PGM1: variants seen among roughly 807,000 people sequenced by gnomAD.
PGM1 encodes the protein phosphoglucomutase-1.
Under a neutral mutation model 55.6 loss-of-function variants are expected in PGM1, and 52 were observed. That is an observed-to-expected ratio of 0.94 (90% confidence interval 0.75 to 1.18). The LOEUF (loss-of-function observed/expected upper bound fraction) is 1.18, where lower values mean the gene tolerates loss of function less well. Ranked by LOEUF, PGM1 falls within the 50% of genes most tolerant of loss-of-function variation. PGM1 has a pLI of 0.00. For synonymous variants in PGM1, 287 were observed against 271.7 expected (o/e 1.06, Z -0.55); for missense variants, 724 against 729.3 (o/e 0.99, Z 0.08).
chr1:63,624,428 G>A (rs553650194), intron 1 of PGM1, among the ~76,000 whole-genome samples: 32 of 152,256 alleles, frequency 2.1e-4, no homozygotes, highest in Middle Eastern at 6.8e-3. Flanking sequence ...CCTCTGCATC[G>A]TGAAAAACCG....
At chr1:63,604,889 A>G (rs1648368209) in intron 1 of PGM1, among the ~76,000 whole-genome samples, 2 of 149,844 alleles carry the variant, frequency 1.3e-5, no homozygotes, top group African/African-American at 2.5e-5. Flanking sequence ...ATGTATAACT[A>G]TATATATAGG....
chr1:63,623,615 G>A lies in PGM1; in HGVS notation c.247-5810G>A, dbSNP rs140738630. Reference sequence around the variant, plus strand: ...ACCTATTATTTTGAGGAAAAGCCATGCTATCTGGAGAATTTCATCCAGAGT... The same window carrying A: ...ACCTATTATTTTGAGGAAAAGCCATACTATCTGGAGAATTTCATCCAGAGT... On this transcript the variant is annotated intron_variant, in intron 1 of 10. Transcript: ENST00000371084. 1.3e-4 allele frequency: 216 copies of A among 1,612,774 alleles called. No individual in the cohort carries two copies. The African/African-American group carries it at 2.5e-3, about 19-fold the overall frequency.
intron 1 of PGM1, among the ~76,000 whole-genome samples, chr1:63,620,623 A>T (rs1281641457): frequency 6.6e-6 from 1 of 152,180 alleles, no homozygotes; most frequent in Non-Finnish European, 1.5e-5. Flanking sequence ...AGAGTGAATA[A>T]AGGATTGGTA....
chr1:63,616,058 A>C (rs61104081), intron 1 of PGM1, among the ~76,000 whole-genome samples: 7,458 of 151,974 alleles, frequency 0.049, 608 homozygotes, highest in African/African-American at 0.17. Flanking sequence ...AAATAAAGCG[A>C]TTCCTTAACT....
rs183261055 is a variant in PGM1 at position 63,623,123 on chromosome 1, A to G, written c.247-6302A>G. Reference sequence around the variant, plus strand: ...ACAGCTGAAGTTGGCTGCATGCAGCACTCCTTGGAGCTATCTCTACCCTAA... The same window carrying G: ...ACAGCTGAAGTTGGCTGCATGCAGCGCTCCTTGGAGCTATCTCTACCCTAA... On this transcript the variant is annotated intron_variant, in intron 1 of 10. Coordinates refer to ENST00000371084, the MANE Select transcript of PGM1 (RefSeq NM_002633.3). The G allele has an allele frequency of 9.0e-5, 69 of 769,400 alleles. No homozygotes were observed. The East Asian group carries it at 5.2e-3, about 58-fold the overall frequency. 47.7% of individuals were successfully genotyped at this position (769,400 alleles called of 1,614,324 possible).
chr1:63,613,259 C>CTTTTTTTTT lies in PGM1; in HGVS notation c.247-16152_247-16144dup, dbSNP rs11377805. Among the ~76,000 whole-genome samples, 14 of 107,866 alleles carry CTTTTTTTTT rather than the reference C, an allele frequency of 1.3e-4. 1 individual carries two copies. Among genetic ancestry groups the CTTTTTTTTT allele is most frequent in the African/African-American group, 5.6e-4 (14 of 24,964 alleles). The allele number at this position is 107,866 out of a possible 152,430, so 70.8% of individuals were successfully genotyped here. A position where few individuals can be genotyped will look rare whatever the true frequency, so the allele number is the denominator to read the frequency against. On this transcript the variant is annotated intron_variant, in intron 1 of 10. Coordinates refer to ENST00000371084, the MANE Select transcript of PGM1 (RefSeq NM_002633.3). ...TCTGCTGCAAAAGGAGTTGGCTTAT[C>CTTTTTTTTT]TTTTTTTTTTTTTTTTTTTTTTAAG...
chr1:63,615,110 T>C (rs1336895740), intron 1 of PGM1, among the ~76,000 whole-genome samples: 1 of 152,218 alleles, frequency 6.6e-6, no homozygotes, highest in African/African-American at 2.4e-5. Flanking sequence ...GCCTGGACCA[T>C]TGGAGATGTT....
At chr1:63,606,971 T>G (rs571977035) in intron 1 of PGM1, among the ~76,000 whole-genome samples, 5 of 152,246 alleles carry the variant, frequency 3.3e-5, no homozygotes, top group Non-Finnish European at 5.9e-5. Context: ...TTTATTGAGG[T>G]ATGATTCACA....
chr1:63,636,811 T>C (rs1649376872), intron 6 of PGM1, among the ~76,000 whole-genome samples: 1 of 152,216 alleles, frequency 6.6e-6, no homozygotes, highest in Admixed American at 6.5e-5. Context: ...TGAATAACAA[T>C]GGAAGTACTC....
chr1:63,652,937 G>T (rs1330073824), intron 9 of PGM1, among the ~76,000 whole-genome samples: 4 of 152,202 alleles, frequency 2.6e-5, no homozygotes, highest in Non-Finnish European at 5.9e-5. Flanking sequence ...AGAGACCTGT[G>T]GTTGAGGAAG....
chr1:63,593,574 TCCAGAGCA>T lies in PGM1; in HGVS notation c.87_94del (p.Phe29LeufsTer73), dbSNP rs752562811. On this transcript the variant is annotated frameshift_variant, in exon 1 of 11. Coordinates refer to ENST00000371084, the MANE Select transcript of PGM1 (RefSeq NM_002633.3). LOFTEE classifies it high-confidence loss of function. ...GGGCTGCGGAAGCGGGTGAAGGTGT[TCCAGAGCA>T]GCGCCAACTACGCGGAGAACTTCAT... The T allele has an allele frequency of 6.8e-6, 11 of 1,613,774 alleles. No homozygotes were observed. Among genetic ancestry groups the T allele is most frequent in the Non-Finnish European group, 9.3e-6 (11 of 1,179,918 alleles).
Position 63,617,405 on chromosome 1 carries a change from G to A in PGM1, c.247-12020G>A, listed in dbSNP as rs909753449. On this transcript the variant is annotated intron_variant, in intron 1 of 10. Transcript: ENST00000371084. Reference sequence around the variant, plus strand: ...AAGGACTGCACACAGAGAGAGGGGCGTCTCCTGCAGCCACAGGCAGTGGTG... The same window carrying A: ...AAGGACTGCACACAGAGAGAGGGGCATCTCCTGCAGCCACAGGCAGTGGTG... 3.3e-5 allele frequency among the ~76,000 whole-genome samples: 5 copies of A among 152,124 alleles called. No individual in the cohort carries two copies. The South Asian group carries it at 8.3e-4, about 25-fold the overall frequency.
At chr1:63,632,905 C>T (rs539597467) in intron 4 of PGM1, among the ~76,000 whole-genome samples, 1 of 152,242 alleles carries the variant, frequency 6.6e-6, no homozygotes, top group Admixed American at 6.5e-5. Context: ...TGCCTGTAAT[C>T]GCAGCTACTC....
chr1:63,610,292 A>G (rs1164392617), intron 1 of PGM1, among the ~76,000 whole-genome samples: 1 of 152,152 alleles, frequency 6.6e-6, no homozygotes, highest in South Asian at 2.1e-4. Context: ...GGACTAATGT[A>G]AGCCTCTTGC....
intron 10 of PGM1, among the ~76,000 whole-genome samples, chr1:63,659,174 G>T (rs141595990): frequency 1.4e-4 from 22 of 152,314 alleles, no homozygotes; most frequent in African/African-American, 5.3e-4. Flanking sequence ...AAAGAAATTG[G>T]AAGATGCACA....
chr1:63,623,164 A>G, intron 1 of PGM1: 1 of 1,146,448 alleles, frequency 8.7e-7, no homozygotes, highest in Non-Finnish European at 1.1e-6. Flanking sequence ...AAATGAGACA[A>G]AAATAATTGA....
intron 10 of PGM1, among the ~76,000 whole-genome samples, chr1:63,656,393 A>C (rs1649967032): frequency 6.6e-6 from 1 of 152,246 alleles, no homozygotes; most frequent in Non-Finnish European, 1.5e-5. Context: ...CAAAAAGTTA[A>C]AAATATTTTA....
At chr1:63,647,357 T>G (rs997778890) in intron 7 of PGM1, among the ~76,000 whole-genome samples, 1 of 143,522 alleles carries the variant, frequency 7.0e-6, no homozygotes, top group African/African-American at 2.5e-5. Context: ...CAACCAGATC[T>G]CTTTAATTTT....
In PGM1 at chr1:63,593,560, G is replaced by C. The variant is rs757170914; in HGVS notation, c.72G>C (p.Lys24Asn). The stretch of plus-strand genomic sequence containing the variant: ...AGCCGGGCACGAGCGGGCTGCGGAA[G>C]CGGGTGAAGGTGTTCCAGAGCAGCG... ...DQKPGTSGLR[K>N]RVKVFQSSAN... The change falls in exon 1 of 11, where the codon AAG becomes AAC. Residue 24 changes from lysine (K) to asparagine (N), a missense_variant. Lys to Asn is a moderately conservative substitution (Grantham distance 94). Coordinates refer to ENST00000371084, the MANE Select transcript of PGM1 (RefSeq NM_002633.3). 8 of 1,613,796 alleles carry C rather than the reference G, an allele frequency of 5.0e-6. No homozygotes were observed. Among genetic ancestry groups the C allele is most frequent in the Non-Finnish European group, 6.8e-6 (8 of 1,179,958 alleles).
Sources: allele counts gnomAD v4.1 joint callset (sites outside exome capture counted in the v4.1 genomes callset), GRCh38; gene constraint gnomAD v4.1.1; transcripts MANE v1.5; gene names NCBI Gene and HGNC (gene_info 2026-07-23, HGNC 2026-07-21).